SGMS1: variants seen among roughly 807,000 people sequenced by gnomAD.
The protein encoded by SGMS1 is sphingomyelin synthase 1, also known as phosphatidylcholine:ceramide cholinephosphotransferase 1.
SGMS1 carries 13 observed loss-of-function variants against 46.2 expected under a neutral mutation model. The observed-to-expected ratio is 0.28, with a 90% CI of 0.18 to 0.45. SGMS1 has a LOEUF of 0.45. Ranked by LOEUF, SGMS1 falls within the 20% of genes least tolerant of loss-of-function variation. SGMS1 has a pLI of 1.00. For missense variants in SGMS1, 324 were observed against 519.9 expected (o/e 0.62, Z 3.66); for synonymous variants, 203 against 187.8 (o/e 1.08, Z -0.66).
rs542817553 is a variant in SGMS1 at position 50,562,574 on chromosome 10, C to T, written c.-589+27579G>A. Among the ~76,000 whole-genome samples, 26 of 152,294 alleles carry T rather than the reference C, an allele frequency of 1.7e-4. No homozygotes were observed. In the South Asian group the frequency reaches 3.3e-3, roughly 19 times the overall value. ...ACACTCTTTTTTTGAGACGGAGTCT[C>T]GCTCTGTCGCCCAGGCTGGAGTGCA... On this transcript the variant is annotated intron_variant, in intron 2 of 10. Coordinates refer to ENST00000361781, the MANE Select transcript of SGMS1 (RefSeq NM_147156.4).
At chr10:50,453,391 T>C (rs952696497) in intron 5 of SGMS1, among the ~76,000 whole-genome samples, 4 of 151,688 alleles carry the variant, frequency 2.6e-5, no homozygotes, top group Non-Finnish European at 4.4e-5. Flanking sequence ...GTCTAGGCTC[T>C]GGGGATAAAA....
At chr10:50,463,953 T>A (rs1283234760) in intron 4 of SGMS1, among the ~76,000 whole-genome samples, 1 of 152,136 alleles carries the variant, frequency 6.6e-6, no homozygotes, top group African/African-American at 2.4e-5. Context: ...TCCACTTATA[T>A]GAGGTATTTA....
chr10:50,360,617 C>T (rs190867577), intron 6 of SGMS1, among the ~76,000 whole-genome samples: 40 of 152,306 alleles, frequency 2.6e-4, no homozygotes, highest in Admixed American at 1.6e-3. Context: ...ATCTGTAGAA[C>T]TTGGACACGG....
At position 50,587,219 on chromosome 10, in the gene SGMS1, C is replaced by T. The variant is rs1838492058; in HGVS notation, c.-589+2934G>A. Among the ~76,000 whole-genome samples the T allele has an allele frequency of 3.0e-5, 4 of 132,938 alleles. No homozygotes were observed. In the South Asian group the frequency reaches 1.1e-3, roughly 36 times the overall value. The allele number at this position is 132,938 out of a possible 152,430, so 87.2% of individuals were successfully genotyped here. On this transcript the variant is annotated intron_variant, in intron 2 of 10. Transcript: ENST00000361781. ...TTAAAGGCAGATTTTTTTCAATAAA[C>T]ACATTGGAAAATTTTTTTGGAGATT... is the stretch of plus-strand genomic sequence containing the variant.
chr10:50,381,086 C>A (rs1405628511), intron 6 of SGMS1, among the ~76,000 whole-genome samples: 1 of 151,694 alleles, frequency 6.6e-6, no homozygotes, highest in East Asian at 1.9e-4. Flanking sequence ...GTCTCAGCCT[C>A]CCAAATTGCT....
intron 5 of SGMS1, among the ~76,000 whole-genome samples, chr10:50,436,889 T>C (rs74132715): frequency 0.024 from 3,583 of 152,266 alleles, 150 homozygotes; most frequent in African/African-American, 0.082. Context: ...TGGGAGACAG[T>C]ATCCCGTGGC....
intron 3 of SGMS1, among the ~76,000 whole-genome samples, chr10:50,490,045 GT>G (rs1837554902): frequency 6.6e-6 from 1 of 152,198 alleles, no homozygotes; most frequent in Admixed American, 6.5e-5. Flanking sequence ...AACTGGTAAT[GT>G]GAAGAAATGG....
At chr10:50,596,290 C>A (rs903057931) in intron 1 of SGMS1, among the ~76,000 whole-genome samples, 8 of 151,982 alleles carry the variant, frequency 5.3e-5, no homozygotes, top group African/African-American at 1.9e-4. Flanking sequence ...GATTCCCCTG[C>A]CTCAGCCTCC....
intron 6 of SGMS1, among the ~76,000 whole-genome samples, chr10:50,359,032 C>T (rs369721409): frequency 5.9e-5 from 9 of 152,174 alleles, no homozygotes; most frequent in African/African-American, 2.2e-4. Flanking sequence ...ATTGCTATTA[C>T]ATGCTGTGCT....
chr10:50,561,428 A>T (rs1407184021), intron 2 of SGMS1, among the ~76,000 whole-genome samples: 1 of 152,212 alleles, frequency 6.6e-6, no homozygotes, highest in African/African-American at 2.4e-5. Flanking sequence ...AACCACGAGC[A>T]CTGCTGGGTT....
intron 7 of SGMS1, among the ~76,000 whole-genome samples, chr10:50,336,886 A>AT (rs1847725068): frequency 6.6e-6 from 1 of 152,204 alleles, no homozygotes; most frequent in South Asian, 2.1e-4. Flanking sequence ...CTACTCTAAA[A>AT]TCAGTTAGTT....
At position 50,413,070 on chromosome 10, in the gene SGMS1, G is replaced by A. The variant is rs539516071; in HGVS notation, c.-232+20406C>T. On this transcript the variant is annotated intron_variant, in intron 6 of 10. Coordinates refer to ENST00000361781, the MANE Select transcript of SGMS1 (RefSeq NM_147156.4). ...AAATCTTACATTTTAAAAAGCATCA[G>A]TCAATTCTATTAACCTGGAAAATGT... Among the ~76,000 whole-genome samples, 4 of 152,074 alleles carry A rather than the reference G, an allele frequency of 2.6e-5. No individual in the cohort carries two copies. In the South Asian group the frequency reaches 6.2e-4, roughly 24 times the overall value.
At chr10:50,599,343 G>C (rs1588888664) in intron 1 of SGMS1, among the ~76,000 whole-genome samples, 3 of 152,288 alleles carry the variant, frequency 2.0e-5, no homozygotes, top group Non-Finnish European at 4.4e-5. Context: ...CATCTTTGCT[G>C]CTAAGAATAT....
chr10:50,621,439 T>C (rs1293338480), intron 1 of SGMS1, among the ~76,000 whole-genome samples: 1 of 152,250 alleles, frequency 6.6e-6, no homozygotes. Flanking sequence ...AAGGTATTGA[T>C]GCATATATTT....
At chr10:50,382,938 A>T (rs1237477395) in intron 6 of SGMS1, among the ~76,000 whole-genome samples, 1 of 152,212 alleles carries the variant, frequency 6.6e-6, no homozygotes, top group Non-Finnish European at 1.5e-5. Context: ...TGCCTCACAC[A>T]TGTAAATCAA....
intron 6 of SGMS1, among the ~76,000 whole-genome samples, chr10:50,392,532 A>G (rs1246124363): frequency 1.3e-5 from 2 of 152,196 alleles, no homozygotes; most frequent in Non-Finnish European, 2.9e-5. Context: ...CGTGAACTGC[A>G]TACCAGCAGA....
intron 6 of SGMS1, among the ~76,000 whole-genome samples, chr10:50,408,436 A>C (rs1317639707): frequency 4.0e-5 from 6 of 149,986 alleles, no homozygotes; most frequent in African/African-American, 1.5e-4. Flanking sequence ...TCTCTTAAAA[A>C]AAAAAAAAAA....
intron 1 of SGMS1, among the ~76,000 whole-genome samples, chr10:50,597,203 G>A (rs879845170): frequency 2.0e-5 from 3 of 152,166 alleles, no homozygotes; most frequent in Admixed American, 1.3e-4. Flanking sequence ...ATGTATGAAT[G>A]CCAAACAAAC....
At chr10:50,599,334 A>G (rs145293157) in intron 1 of SGMS1, among the ~76,000 whole-genome samples, 15 of 152,332 alleles carry the variant, frequency 9.8e-5, no homozygotes, top group Non-Finnish European at 1.6e-4. Flanking sequence ...TGCCTTCTTC[A>G]TCTTTGCTGC....
Sources: gnomAD v4.1 joint callset for allele counts (sites outside exome capture counted in the v4.1 genomes callset) on GRCh38, gnomAD v4.1.1 for gene constraint, MANE v1.5 for transcripts, NCBI Gene and HGNC (gene_info 2026-07-23, HGNC 2026-07-21) for gene names.